SNTG2: variants seen among roughly 807,000 people sequenced by gnomAD.
The protein encoded by SNTG2 is syntrophin gamma 2.
A neutral mutation model predicts 70.9 loss-of-function variants in SNTG2; 74 were observed. The observed-to-expected ratio is 1.04, with a 90% CI of 0.86 to 1.27. The LOEUF (loss-of-function observed/expected upper bound fraction) is 1.27, where lower values mean the gene tolerates loss of function less well. Among genes scored for constraint, SNTG2 ranks in the 50% most tolerant of loss-of-function variants. SNTG2 has a pLI of 0.00. For missense variants in SNTG2, 717 were observed against 690.7 expected (o/e 1.04, Z -0.43); for synonymous variants, 278 against 273.8 (o/e 1.02, Z -0.15).
chr2:1,237,875 T>C lies in SNTG2; in HGVS notation c.720-13T>C. ...CGCTGCGGGGCCTCCTGGACAGCTC[T>C]CTCCCTCCCCAGGTGGAATGCGTTC... is the stretch of plus-strand genomic sequence containing the variant. On this transcript the variant is annotated splice_polypyrimidine_tract_variant and intron_variant, in intron 9 of 16. Transcript: ENST00000308624. 1 of 1,594,562 alleles carries C rather than the reference T, an allele frequency of 6.3e-7. No individual in the cohort carries two copies. Among genetic ancestry groups the C allele is most frequent in the Non-Finnish European group, 8.5e-7 (1 of 1,170,970 alleles).
At position 993,289 on chromosome 2, in the gene SNTG2, T is replaced by C. The variant is rs954632868; in HGVS notation, c.72+42221T>C. ...CCCTTCCTGTGTCCATGTGATCTCA[T>C]TGTGGGTTCTTTTGCTTAGCATAAT... On this transcript the variant is annotated intron_variant, in intron 1 of 16. Transcript: ENST00000308624. 3.5e-5 allele frequency among the ~76,000 whole-genome samples: 5 copies of C among 142,970 alleles called. 1 individual carries two copies. The highest frequency in any genetic ancestry group is 7.5e-5 in the Admixed American group (1 of 13,400). The allele number at this position is 142,970 out of a possible 152,430, so 93.8% of individuals were successfully genotyped here. A position where few individuals can be genotyped will look rare whatever the true frequency, so the allele number is the denominator to read the frequency against.
chr2:978,445 C>A (rs1273784872), intron 1 of SNTG2, among the ~76,000 whole-genome samples: 6 of 152,108 alleles, frequency 3.9e-5, no homozygotes, highest in Admixed American at 3.9e-4. Context: ...TATTATCCAA[C>A]AAGGAACATA....
intron 2 of SNTG2, among the ~76,000 whole-genome samples, chr2:1,086,278 C>T (rs1211054622): frequency 6.6e-6 from 1 of 152,198 alleles, no homozygotes; most frequent in Non-Finnish European, 1.5e-5. Flanking sequence ...AGCCCAGGGG[C>T]TGAGCCAGAG....
chr2:1,098,239 G>A lies in SNTG2; in HGVS notation c.254G>A (p.Gly85Asp), dbSNP rs1665522763. ...CGCAGACAGCCAGTTGGCGGCTTGGGCCTGAGTATAAAGGTATGGAAATGG... is the reference window on the plus strand; with the variant it reads ...CGCAGACAGCCAGTTGGCGGCTTGGACCTGAGTATAAAGGTATGGAAATGG... ...TLRRQPVGGL[G>D]LSIKGGSEHN... is the part of the protein sequence containing the mutation. The change falls in exon 3 of 17, where the codon GGC becomes GAC. Residue 85 changes from glycine (G) to aspartate (D), a missense_variant. Gly to Asp is a moderately conservative substitution (Grantham distance 94). Coordinates refer to ENST00000308624, the MANE Select transcript of SNTG2 (RefSeq NM_018968.4). 1 of 1,614,022 alleles carries A rather than the reference G, an allele frequency of 6.2e-7. No homozygotes were observed. Among genetic ancestry groups the A allele is most frequent in the Non-Finnish European group, 8.5e-7 (1 of 1,179,900 alleles).
chr2:1,215,022 T>C (rs1674288101), intron 9 of SNTG2, among the ~76,000 whole-genome samples: 1 of 152,234 alleles, frequency 6.6e-6, no homozygotes, highest in Admixed American at 6.5e-5. Context: ...TTTGTTAATA[T>C]GGTGAATTAG....
chr2:1,222,125 G>GCCTA (rs1553362355), intron 9 of SNTG2, among the ~76,000 whole-genome samples: 1 of 76,264 alleles, frequency 1.3e-5, no homozygotes, highest in African/African-American at 7.6e-5. Flanking sequence ...GTCTCTCTCT[G>GCCTA]TCTCTCTCTG....
At chr2:1,127,940 CTTTA>C (rs1667800111) in intron 4 of SNTG2, among the ~76,000 whole-genome samples, 2 of 152,056 alleles carry the variant, frequency 1.3e-5, no homozygotes, top group Admixed American at 6.6e-5. Flanking sequence ...CTTGGATGTC[CTTTA>C]TTTATTTCTC....
At chr2:1,066,154 G>A (rs1212595755) in intron 1 of SNTG2, among the ~76,000 whole-genome samples, 1 of 152,100 alleles carries the variant, frequency 6.6e-6, no homozygotes, top group Non-Finnish European at 1.5e-5. Context: ...TATTCCTGTG[G>A]CATAAAAATC....
intron 4 of SNTG2, among the ~76,000 whole-genome samples, chr2:1,106,751 C>G (rs1215195693): frequency 4.9e-5 from 4 of 80,962 alleles, no homozygotes; most frequent in African/African-American, 2.3e-4. Context: ...ATAATGGACA[C>G]GTGCTGTCAC....
At chr2:1,340,464 A>G (rs1164295278) in intron 16 of SNTG2, among the ~76,000 whole-genome samples, 2 of 152,242 alleles carry the variant, frequency 1.3e-5, no homozygotes, top group Non-Finnish European at 2.9e-5. Flanking sequence ...CAGGTTCTGT[A>G]GAGCTGGTTC....
At position 1,156,900 on chromosome 2, in the gene SNTG2, T is replaced by G. The variant is rs553533046; in HGVS notation, c.412-8648T>G. 4.9e-3 allele frequency among the ~76,000 whole-genome samples: 740 copies of G among 152,138 alleles called. 1 individual carries two copies. The highest frequency in any genetic ancestry group is 7.8e-3 in the Non-Finnish European group (529 of 67,998). ...GTGAAACAGAGGTTTCCACGGTGAT[T>G]GGATGTGTGGCTGAGGAAGGTGGAC... On this transcript the variant is annotated intron_variant, in intron 6 of 16. Transcript: ENST00000308624.
intron 1 of SNTG2, among the ~76,000 whole-genome samples, chr2:966,209 A>G (rs1054334255): frequency 5.3e-5 from 8 of 152,220 alleles, no homozygotes; most frequent in Admixed American, 2.6e-4. Flanking sequence ...TGGGTCATCA[A>G]AACTGGTTAG....
At chr2:1,280,116 C>T (rs1474389204) in intron 14 of SNTG2, among the ~76,000 whole-genome samples, 1 of 151,898 alleles carries the variant, frequency 6.6e-6, no homozygotes, top group East Asian at 1.9e-4. Flanking sequence ...ATTTAAAAAA[C>T]CACTATTGTT....
At chr2:1,217,455 T>TA (rs914242555) in intron 9 of SNTG2, among the ~76,000 whole-genome samples, 1 of 152,114 alleles carries the variant, frequency 6.6e-6, no homozygotes, top group East Asian at 1.9e-4. Flanking sequence ...GAGATGAAAC[T>TA]AAAAAAGACA....
chr2:1,222,159 CTGTCTT>C (rs1675265363), intron 9 of SNTG2, among the ~76,000 whole-genome samples: 1 of 151,618 alleles, frequency 6.6e-6, no homozygotes, highest in South Asian at 2.1e-4. Flanking sequence ...CTGCCTATCT[CTGTCTT>C]TGTCTCTCTT....
At chr2:1,087,131 A>T (rs1286061161) in intron 2 of SNTG2, among the ~76,000 whole-genome samples, 1 of 152,204 alleles carries the variant, frequency 6.6e-6, no homozygotes, top group Non-Finnish European at 1.5e-5. Context: ...AAGTGCTGGC[A>T]GATAGCAGCC....
intron 1 of SNTG2, among the ~76,000 whole-genome samples, chr2:1,002,440 CAA>C (rs1659426763): frequency 6.6e-6 from 1 of 151,886 alleles, no homozygotes; most frequent in South Asian, 2.1e-4. Context: ...CAAAAGTAGG[CAA>C]AAGACATGAA....
chr2:1,184,863 A>G (rs1672150568), intron 8 of SNTG2, among the ~76,000 whole-genome samples: 1 of 152,190 alleles, frequency 6.6e-6, no homozygotes, highest in African/African-American at 2.4e-5. Context: ...ATTGCAGAAT[A>G]CAATCATTCC....
chr2:1,099,841 A>T (rs1558398269), intron 4 of SNTG2, among the ~76,000 whole-genome samples: 1 of 152,216 alleles, frequency 6.6e-6, no homozygotes, highest in Admixed American at 6.5e-5. Flanking sequence ...TGAAATTTGC[A>T]TCCGGGTAAA....
Sources: allele counts gnomAD v4.1 joint callset (sites outside exome capture counted in the v4.1 genomes callset), GRCh38; gene constraint gnomAD v4.1.1; transcripts MANE v1.5; gene names NCBI Gene and HGNC (gene_info 2026-07-23, HGNC 2026-07-21).